PIGU: variants seen among roughly 807,000 people sequenced by gnomAD.
PIGU encodes the protein phosphatidylinositol glycan anchor biosynthesis class U.
A neutral mutation model predicts 49.9 loss-of-function variants in PIGU; 24 were observed. The ratio of observed to expected loss-of-function variants is 0.48; its 90% CI spans 0.35 to 0.68. PIGU has a LOEUF of 0.68. Ranked by LOEUF, PIGU falls within the 30% of genes least tolerant of loss-of-function variation. The probability of loss-of-function intolerance (pLI) is 0.01; values close to 1 mark genes in which losing one functional copy is unlikely to be tolerated. For missense variants in PIGU, 490 were observed against 532.6 expected, an observed-to-expected ratio of 0.92 and a Z score of 0.79; for synonymous variants, 220 against 205.7, an observed-to-expected ratio of 1.07 and a Z score of -0.59.
intron 9 of PIGU, among the ~76,000 whole-genome samples, chr20:34,584,076 G>A (rs1983596426): frequency 6.6e-6 from 1 of 152,258 alleles, no homozygotes; most frequent in East Asian, 1.9e-4. Flanking sequence ...TGGTGCAGGG[G>A]GATAAGCATA....
At chr20:34,565,834 T>C (rs1982732706) in intron 11 of PIGU, among the ~76,000 whole-genome samples, 2 of 71,720 alleles carry the variant, frequency 2.8e-5, no homozygotes, top group African/African-American at 1.1e-4. Flanking sequence ...CGCACTGCAC[T>C]CACACACAGG....
chr20:34,653,058 C>T lies in PIGU; in HGVS notation c.195+4122G>A, dbSNP rs560303796. 1.2e-4 allele frequency among the ~76,000 whole-genome samples: 18 copies of T among 151,786 alleles called. No homozygotes were observed. In the East Asian group the frequency reaches 2.7e-3, roughly 23 times the overall value. On this transcript the variant is annotated intron_variant, in intron 2 of 11. Coordinates refer to ENST00000217446, the MANE Select transcript of PIGU (RefSeq NM_080476.5). Reference sequence around the variant, plus strand: ...CACTATCTCCGCTCACTGCAAGCTCCGCCTCCCAGGTTCAAGCCATTCTCC... The same window carrying T: ...CACTATCTCCGCTCACTGCAAGCTCTGCCTCCCAGGTTCAAGCCATTCTCC...
chr20:34,677,042 A>G lies in PIGU; in HGVS notation c.44T>C (p.Val15Ala). The G allele has an allele frequency of 6.3e-7, 1 of 1,576,488 alleles. No individual in the cohort carries two copies. The highest frequency in any genetic ancestry group is 8.6e-7 in the Non-Finnish European group (1 of 1,161,524). The change falls in exon 1 of 12, where the codon GTG becomes GCG. Residue 15 changes from valine to alanine, a missense_variant. Val to Ala is a moderately conservative substitution (Grantham distance 64). Transcript: ENST00000217446. The part of the protein sequence containing the change: ...LVLVLVVAVT[V>A]RAALFRSSLA... ...ACTGGAGCGGAACAAGGCCGCCCGCACTGTCACAGCCACCACCAGCACCAG... is the reference window on the plus strand; with the variant it reads ...ACTGGAGCGGAACAAGGCCGCCCGCGCTGTCACAGCCACCACCAGCACCAG...
chr20:34,588,137 AGCTACTC>A (rs1983774695), intron 8 of PIGU, among the ~76,000 whole-genome samples: 1 of 152,112 alleles, frequency 6.6e-6, no homozygotes, highest in East Asian at 1.9e-4. Flanking sequence ...CTGTAGTCCC[AGCTACTC>A]GGGGGGCTGA....
chr20:34,580,169 A>G (rs1214008411), intron 10 of PIGU, among the ~76,000 whole-genome samples: 1 of 152,190 alleles, frequency 6.6e-6, no homozygotes. Flanking sequence ...AATCCATTCT[A>G]CATTCTTGAA....
intron 2 of PIGU, among the ~76,000 whole-genome samples, chr20:34,655,089 T>G (rs1986664890): frequency 8.8e-6 from 1 of 113,978 alleles, no homozygotes; most frequent in Admixed American, 1.2e-4. Context: ...GGAGGATTAC[T>G]TGAGTGCAGG....
chr20:34,569,458 T>C (rs1982915190), intron 11 of PIGU, among the ~76,000 whole-genome samples: 1 of 152,128 alleles, frequency 6.6e-6, no homozygotes, highest in Non-Finnish European at 1.5e-5. Flanking sequence ...CTCGAACTCC[T>C]AAGCTCAAGC....
intron 6 of PIGU, among the ~76,000 whole-genome samples, chr20:34,631,421 T>C (rs1985704296): frequency 6.6e-6 from 1 of 151,924 alleles, no homozygotes; most frequent in Non-Finnish European, 1.5e-5. Flanking sequence ...CCTCTAGAAC[T>C]AAAGACACTA....
intron 7 of PIGU, among the ~76,000 whole-genome samples, chr20:34,601,415 C>T (rs1984420983): frequency 6.6e-6 from 1 of 152,150 alleles, no homozygotes; most frequent in Admixed American, 6.6e-5. Context: ...CAGTGAGGCA[C>T]ATCTAAAATT....
intron 10 of PIGU, 34 bp downstream of exon 10, chr20:34,581,514 G>C (rs1568624675): frequency 6.2e-7 from 1 of 1,611,924 alleles, no homozygotes; most frequent in Non-Finnish European, 8.5e-7. Flanking sequence ...GGCCCAGGCT[G>C]ACACAAATCT....
At chr20:34,575,700 C>T (rs572440797) in intron 10 of PIGU, among the ~76,000 whole-genome samples, 4 of 152,294 alleles carry the variant, frequency 2.6e-5, no homozygotes, top group Non-Finnish European at 5.9e-5. Flanking sequence ...CTCCATGGTG[C>T]CACAGTCCTG....
chr20:34,609,879 C>T (rs1984751001), intron 7 of PIGU, among the ~76,000 whole-genome samples: 1 of 152,136 alleles, frequency 6.6e-6, no homozygotes, highest in African/African-American at 2.4e-5. Flanking sequence ...CCCAATGCTG[C>T]TGTTCTCCTG....
intron 7 of PIGU, among the ~76,000 whole-genome samples, chr20:34,599,625 C>T (rs1358859702): frequency 6.6e-6 from 1 of 151,980 alleles, no homozygotes; most frequent in East Asian, 1.9e-4. Flanking sequence ...ATTCACATTC[C>T]CCTGAAGTTG....
chr20:34,567,078 T>C (rs1176667455), intron 11 of PIGU, among the ~76,000 whole-genome samples: 1 of 152,210 alleles, frequency 6.6e-6, no homozygotes, highest in Non-Finnish European at 1.5e-5. Flanking sequence ...CCTGCTGCTG[T>C]TGGGGACACA....
intron 2 of PIGU, among the ~76,000 whole-genome samples, chr20:34,649,176 T>C (rs1986449842): frequency 6.6e-6 from 1 of 152,020 alleles, no homozygotes; most frequent in Non-Finnish European, 1.5e-5. Flanking sequence ...CTGTTTTATT[T>C]TGAACTTATG....
intron 7 of PIGU, among the ~76,000 whole-genome samples, chr20:34,604,962 AG>A (rs1161893754): frequency 6.6e-6 from 1 of 152,066 alleles, no homozygotes; most frequent in African/African-American, 2.4e-5. Context: ...CCCAAGCAAA[AG>A]GAAGATGGGA....
chr20:34,663,776 T>C (rs753325152), intron 1 of PIGU, among the ~76,000 whole-genome samples: 10 of 152,300 alleles, frequency 6.6e-5, no homozygotes, highest in Non-Finnish European at 1.2e-4. Flanking sequence ...AAGGAGATAA[T>C]TCATCAGGTC....
Position 34,560,739 on chromosome 20 carries a change from C to CTT in PIGU, c.*125_*126dup. On this transcript the variant is annotated 3_prime_UTR_variant, in exon 12 of 12. Transcript: ENST00000217446. The stretch of plus-strand genomic sequence containing the variant: ...CATGGGTCCCTTTTGGTACCAGAGA[C>CTT]TTGTGACCCTGGACTCGAACCTCTT... 1 of 634,634 alleles carries CTT rather than the reference C, an allele frequency of 1.6e-6. No homozygotes were observed. The highest frequency in any genetic ancestry group is 2.4e-5 in the South Asian group (1 of 42,262). 39.3% of individuals were successfully genotyped at this position (634,634 alleles called of 1,614,324 possible).
intron 1 of PIGU, among the ~76,000 whole-genome samples, chr20:34,668,160 T>C (rs750888025): frequency 5.9e-5 from 9 of 151,886 alleles, no homozygotes; most frequent in Non-Finnish European, 1.0e-4. Context: ...TAAGGAGATA[T>C]AACAACTAAA....
Sources: allele counts gnomAD v4.1 joint callset (sites outside exome capture counted in the v4.1 genomes callset), GRCh38; gene constraint gnomAD v4.1.1; transcripts MANE v1.5; gene names NCBI Gene and HGNC (gene_info 2026-07-23, HGNC 2026-07-21).